The following ABCA7 variants were observed in gnomAD, a reference collection of about 807,000 sequenced individuals.
ABCA7 encodes the protein ATP binding cassette subfamily A member 7.
A neutral mutation model predicts 227.6 loss-of-function variants in ABCA7; 261 were observed. That is an observed-to-expected ratio of 1.15 (90% CI 1.04 to 1.27). The LOEUF (loss-of-function observed/expected upper bound fraction) is 1.27. Among genes scored for constraint, ABCA7 ranks in the 50% most tolerant of loss-of-function variants. The probability of loss-of-function intolerance (pLI) is 0.00; values close to 1 mark genes in which losing one functional copy is unlikely to be tolerated. For missense variants in ABCA7, 3,331 were observed against 2,924.5 expected (o/e 1.14, Z -3.21); for synonymous variants, 1,488 against 1,279.7 (o/e 1.16, Z -3.47).
At chr19:1,048,581 G>A (rs1023535390) in intron 16 of ABCA7, among the ~76,000 whole-genome samples, 3 of 151,370 alleles carry the variant, frequency 2.0e-5, no homozygotes, top group African/African-American at 4.9e-5. Context: ...AGGCCGAGGT[G>A]GGCAGATCAC....
At chr19:1,042,499 C>G (rs780192436) in intron 6 of ABCA7, 102 bp downstream of exon 6, 10 of 1,405,630 alleles carry the variant, frequency 7.1e-6, no homozygotes, top group Non-Finnish European at 9.9e-6. Context: ...TTCCAGGCAT[C>G]CAGGCTGTCC....
Position 1,065,543 on chromosome 19 carries a change from G to C in ABCA7, c.*118G>C. On this transcript the variant is annotated 3_prime_UTR_variant, in exon 47 of 47. Coordinates refer to ENST00000263094, the MANE Select transcript of ABCA7 (RefSeq NM_019112.4). ...GCTGGTGCCCTGGAGAAAATAAAGAGAAGGCTGGAGAGAAGCCGTGGTGGT... is the reference window on the plus strand; with the variant it reads ...GCTGGTGCCCTGGAGAAAATAAAGACAAGGCTGGAGAGAAGCCGTGGTGGT... 8.0e-7 allele frequency: 1 copy of C among 1,242,614 alleles called. No individual in the cohort carries two copies. Among genetic ancestry groups the C allele is most frequent in the Non-Finnish European group, 1.1e-6 (1 of 902,970 alleles). The allele number at this position is 1,242,614 out of a possible 1,614,324, so 77.0% of individuals were successfully genotyped here.
chr19:1,049,316 A>G lies in ABCA7; in HGVS notation c.2431A>G (p.Ser811Gly), dbSNP rs2041126725. The G allele has an allele frequency of 6.2e-7, 1 of 1,611,342 alleles. No homozygotes were observed. Among genetic ancestry groups the G allele is most frequent in the Admixed American group, 1.7e-5 (1 of 59,928 alleles). ...PGLSPGVSVR[S>G]LEKRFPGSPQ... ...CCTGAGTCCTGGCGTCTCCGTTCGC[A>G]GCCTGGAGAAGCGCTTTCCTGGAAG... is the stretch of plus-strand genomic sequence containing the variant. Residue 811 changes from serine to glycine, a missense_variant, in exon 18 of 47, where the codon AGC becomes GGC. Coordinates refer to ENST00000263094, the MANE Select transcript of ABCA7 (RefSeq NM_019112.4).
At chr19:1,052,933 G>A (rs912678103) in intron 23 of ABCA7, among the ~76,000 whole-genome samples, 6 of 151,974 alleles carry the variant, frequency 3.9e-5, no homozygotes, top group African/African-American at 9.7e-5. Context: ...TTGCTCTGTC[G>A]CCCAGGCTGT....
rs368652784 is a variant in ABCA7, at chr19:1,046,946, G to C, written c.1767G>C (p.Ala589=). 6.4e-7 allele frequency: 1 copy of C among 1,569,040 alleles called. No homozygotes were observed. The highest frequency in any genetic ancestry group is 2.3e-5 in the East Asian group (1 of 43,388). ...DTMRAMGLSR[A]VLWLGWFLSC... is the part of the protein sequence containing the mutation. Reference sequence around the variant, plus strand: ...TGCGCGCCATGGGGCTCAGCCGCGCGGTGCTCTGGCTAGGCTGGTTCCTCA... The same window carrying C: ...TGCGCGCCATGGGGCTCAGCCGCGCCGTGCTCTGGCTAGGCTGGTTCCTCA... Residue 589 remains alanine (A), a synonymous_variant, in exon 14 of 47, where the codon GCG becomes GCC. Transcript: ENST00000263094.
At chr19:1,049,107 A>C in intron 17 of ABCA7, 102 bp downstream of exon 17, 1 of 997,490 alleles carries the variant, frequency 1.0e-6, no homozygotes, top group Non-Finnish European at 1.5e-6. Flanking sequence ...GGACACCCCA[A>C]CCCTCACACC....
Position 1,057,918 on chromosome 19 carries a change from G to A in ABCA7, c.4884G>A (p.Trp1628Ter). Reference protein sequence around the residue: ...ALLLLLLLYGWSITPLMYPAS... With the variant: ...ALLLLLLLYG ...GTGACTCCTATTGTCCCTTCAGCTGGTCGATCACACCGCTCATGTACCCAG... is the reference window on the plus strand; with the variant it reads ...GTGACTCCTATTGTCCCTTCAGCTGATCGATCACACCGCTCATGTACCCAG... Residue 1628 changes from tryptophan (W) to a stop codon, truncating the protein, a stop_gained, in exon 36 of 47, where the codon TGG becomes TGA. Transcript: ENST00000263094. LOFTEE classifies it high-confidence loss of function. 6.2e-7 allele frequency: 1 copy of A among 1,614,048 alleles called. No homozygotes were observed. Among genetic ancestry groups the A allele is most frequent in the Middle Eastern group, 1.6e-4 (1 of 6,062 alleles).
Position 1,042,407 on chromosome 19 carries a change from C to A in ABCA7, c.498+10C>A, listed in dbSNP as rs756855704. The A allele has an allele frequency of 1.9e-6, 3 of 1,610,552 alleles. No individual in the cohort carries two copies. In the South Asian group the frequency reaches 3.3e-5, roughly 18 times the overall value. The stretch of plus-strand genomic sequence containing the variant: ...GTCACTGCTGCGCACGGTAGGGTGT[C>A]GGGGCGGGACCGCGCTGACTTCCTG... On this transcript the variant is annotated intron_variant, in intron 6 of 46. Transcript: ENST00000263094.
At chr19:1,060,521 T>C (rs1474268211) in intron 40 of ABCA7, among the ~76,000 whole-genome samples, 1 of 147,374 alleles carries the variant, frequency 6.8e-6, no homozygotes, top group African/African-American at 2.6e-5. Context: ...TTTGTTTTTT[T>C]CTTTTTTTTT....
In ABCA7 at chr19:1,058,017, T is replaced by A; in HGVS notation, c.4983T>A (p.Asn1661Lys). ...LTCINLFIGI[N>K]GSMATFVLEL... ...GCATAAACCTCTTTATTGGCATCAA[T>A]GGAAGCATGGCCACCTTTGTGCTTG... The change falls in exon 36 of 47, where the codon AAT becomes AAA. Residue 1661 changes from asparagine (N) to lysine (K), a missense_variant. By Grantham distance (94) the Asn-to-Lys change is moderately conservative (BLOSUM62 0). Coordinates refer to ENST00000263094, the MANE Select transcript of ABCA7 (RefSeq NM_019112.4). 1 of 1,614,096 alleles carries A rather than the reference T, an allele frequency of 6.2e-7. No homozygotes were observed. The highest frequency in any genetic ancestry group is 8.5e-7 in the Non-Finnish European group (1 of 1,180,020).
At position 1,044,708 on chromosome 19, in the gene ABCA7, GGGGCACCTGGT is replaced by G. The variant is rs567222111; in HGVS notation, c.1186_1196del (p.Leu396AlafsTer45). On this transcript the variant is annotated frameshift_variant, in exon 11 of 47. Coordinates refer to ENST00000263094, the MANE Select transcript of ABCA7 (RefSeq NM_019112.4). LOFTEE classifies it high-confidence loss of function. ...GCTGGCAGGACGCACACGCTGATGTGGGGCACCTGGTGGGCACGCTGGGCCGAGTGACGGAG... is the reference window on the plus strand; with the variant it reads ...GCTGGCAGGACGCACACGCTGATGTGGGGCACGCTGGGCCGAGTGACGGAG... 2.5e-4 allele frequency: 396 copies of G among 1,611,990 alleles called. 1 individual carries two copies. The African/African-American group carries it at 4.8e-3, about 20-fold the overall frequency.
intron 45 of ABCA7, 37 bp downstream of exon 45, chr19:1,064,290 G>C: frequency 6.6e-7 from 1 of 1,526,338 alleles, no homozygotes; most frequent in African/African-American, 1.4e-5. Context: ...TGTGGGGTGA[G>C]GGTGGGCACG....
intron 13 of ABCA7, 30 bp downstream of exon 13, chr19:1,046,436 C>T: frequency 6.6e-7 from 1 of 1,518,264 alleles, no homozygotes; most frequent in Non-Finnish European, 8.8e-7. Flanking sequence ...CCCGCTCTTC[C>T]CCGCGGCGGG....
At position 1,041,813 on chromosome 19, in the gene ABCA7, C is replaced by G. The variant is rs1197119484; in HGVS notation, c.161-18C>G. ...AGGCAGAGTCCACAGGGCCTCAGCA[C>G]CAGGCGTCTCCCCGCAGGCCACTTC... On this transcript the variant is annotated intron_variant, in intron 3 of 46. Transcript: ENST00000263094. 6.2e-7 allele frequency: 1 copy of G among 1,600,576 alleles called. No individual in the cohort carries two copies. The highest frequency in any genetic ancestry group is 2.2e-5 in the East Asian group (1 of 44,548).
At position 1,047,442 on chromosome 19, in the gene ABCA7, CT is replaced by C; in HGVS notation, c.2068-7del. 6.5e-7 allele frequency: 1 copy of C among 1,540,120 alleles called. No homozygotes were observed. Among genetic ancestry groups the C allele is most frequent in the African/African-American group, 1.4e-5 (1 of 73,494 alleles). Reference sequence around the variant, plus strand: ...GCTTCGGCCGCTCACTGACCGCCCGCTTTTCCGCAGAGCCTGCTGTCGCCCG... The same window carrying C: ...GCTTCGGCCGCTCACTGACCGCCCGCTTTCCGCAGAGCCTGCTGTCGCCCG... On this transcript the variant is annotated splice_polypyrimidine_tract_variant and intron_variant, in intron 15 of 46. Transcript: ENST00000263094.
chr19:1,063,669 G>T lies in ABCA7; in HGVS notation c.5838G>T (p.Val1946=). 1.2e-6 allele frequency: 2 copies of T among 1,600,640 alleles called. No homozygotes were observed. The highest frequency in any genetic ancestry group is 8.5e-7 in the Non-Finnish European group (1 of 1,175,008). ...TGGCGCTGGTTGGGGACCCAGCCGT[G>T]GTGTTTCTGGTGCGTGGGAGCGGTG... ...TALALVGDPA[V]VFLDEPTTGM... The change falls in exon 43 of 47, where the codon GTG becomes GTT. Residue 1946 remains valine, a synonymous_variant. Coordinates refer to ENST00000263094, the MANE Select transcript of ABCA7 (RefSeq NM_019112.4).
At chr19:1,055,497 C>CTT in intron 30 of ABCA7, 146 bp downstream of exon 30, 3 of 775,204 alleles carry the variant, frequency 3.9e-6, no homozygotes, top group South Asian at 4.7e-5. Context: ...CCTTCCTTTC[C>CTT]TCTTTTTTTT....
rs2042669597 is a variant in ABCA7 at position 1,061,754 on chromosome 19, T to A, written c.5464-28T>A. 3 of 1,597,742 alleles carry A rather than the reference T, an allele frequency of 1.9e-6. No homozygotes were observed. In the South Asian group the frequency reaches 3.3e-5, roughly 18 times the overall value. ...CCGGAACCAGGGCCTGGGGCCTCAC[T>A]GAGCACCATCTGTGGGCATCCCTGT... On this transcript the variant is annotated intron_variant, in intron 40 of 46. Transcript: ENST00000263094.
At position 1,043,706 on chromosome 19, in the gene ABCA7, G is replaced by A. The variant is rs2040290661; in HGVS notation, c.931-19G>A. On this transcript the variant is annotated intron_variant, in intron 9 of 46. Transcript: ENST00000263094. The stretch of plus-strand genomic sequence containing the variant: ...TCAGAGGAGGAGAGGGTCATCAGTG[G>A]AGGGGGTGCTGTCCACAGGTGAACC... 6.2e-7 allele frequency: 1 copy of A among 1,609,980 alleles called. No individual in the cohort carries two copies. Among genetic ancestry groups the A allele is most frequent in the South Asian group, 1.1e-5 (1 of 91,036 alleles).
Sources: allele counts gnomAD v4.1 joint callset (sites outside exome capture counted in the v4.1 genomes callset), GRCh38; gene constraint gnomAD v4.1.1; transcripts MANE v1.5; gene names NCBI Gene and HGNC (gene_info 2026-07-23, HGNC 2026-07-21).